The following PSMA1 variants were observed in gnomAD, a reference collection of about 807,000 sequenced individuals.
PSMA1 encodes the protein proteasome subunit alpha type-1.
PSMA1 carries 3 observed loss-of-function variants against 38.4 expected under a neutral mutation model. The observed-to-expected ratio is 0.08, with a 90% confidence interval of 0.04 to 0.20. The LOEUF is 0.20. Among genes scored for constraint, PSMA1 ranks in the 10% least tolerant of loss-of-function variants. The pLI, the probability that PSMA1 is intolerant of heterozygous loss-of-function variation, is 1.00. For missense variants in PSMA1, 227 were observed against 325.3 expected (o/e 0.70, Z 2.32); for synonymous variants, 101 against 107.1 (o/e 0.94, Z 0.35).
chr11:14,566,566 A>G (rs1489353203), intron 2 of PSMA1, among the ~76,000 whole-genome samples: 1 of 152,202 alleles, frequency 6.6e-6, no homozygotes, highest in Admixed American at 6.5e-5. Flanking sequence ...CAGCTGATCA[A>G]TAGGCTGGAC....
chr11:14,584,769 G>C (rs1382670151), intron 2 of PSMA1, among the ~76,000 whole-genome samples: 2 of 152,168 alleles, frequency 1.3e-5, no homozygotes, highest in Admixed American at 6.5e-5. Flanking sequence ...TGACACAGCT[G>C]TTCTGTGACT....
At chr11:14,610,852 C>G in intron 2 of PSMA1, 1 of 1,068,968 alleles carries the variant, frequency 9.4e-7, no homozygotes, top group Non-Finnish European at 1.4e-6. Flanking sequence ...GTTTTCTAGC[C>G]TAGAGATGCG....
chr11:14,513,990 T>C (rs1373485910), intron 5 of PSMA1, 103 bp from the exon 6 acceptor site: 2 of 1,383,760 alleles, frequency 1.4e-6, no homozygotes, highest in Non-Finnish European at 1.9e-6. Context: ...CTTTAATTGT[T>C]GCATAATCCA....
intron 2 of PSMA1, among the ~76,000 whole-genome samples, chr11:14,585,351 T>C (rs1471961751): frequency 6.6e-6 from 1 of 152,178 alleles, no homozygotes; most frequent in African/African-American, 2.4e-5. Context: ...TCTATATATA[T>C]GTTGAAAGTG....
intron 1 of PSMA1, among the ~76,000 whole-genome samples, chr11:14,642,252 T>C (rs911053812): frequency 2.6e-5 from 4 of 152,246 alleles, no homozygotes; most frequent in African/African-American, 9.6e-5. Context: ...AATGTATCCA[T>C]TTTTTACTTT....
Position 14,513,806 on chromosome 11 carries a change from A to G in PSMA1, c.414+11T>C. 6.4e-7 allele frequency: 1 copy of G among 1,574,334 alleles called. No homozygotes were observed. The highest frequency in any genetic ancestry group is 8.6e-7 in the Non-Finnish European group (1 of 1,167,598). Reference sequence around the variant, plus strand: ...AAATCATTAACATATAACAATATTCAATGAACTTACATCATAACCAGCAAT... The same window carrying G: ...AAATCATTAACATATAACAATATTCGATGAACTTACATCATAACCAGCAAT... On this transcript the variant is annotated intron_variant, in intron 6 of 9. Coordinates refer to ENST00000396394, the MANE Select transcript of PSMA1 (RefSeq NM_002786.4).
chr11:14,542,331 C>T (rs957872242), intron 2 of PSMA1, among the ~76,000 whole-genome samples: 1 of 152,138 alleles, frequency 6.6e-6, no homozygotes, highest in African/African-American at 2.4e-5. Context: ...TCTTCTCCCT[C>T]ATTTGGGGGC....
chr11:14,538,877 A>C (rs1230072625), intron 2 of PSMA1, among the ~76,000 whole-genome samples: 1 of 152,256 alleles, frequency 6.6e-6, no homozygotes, highest in African/African-American at 2.4e-5. Flanking sequence ...TAATTTCAAA[A>C]AGTACTTTTT....
chr11:14,555,191 A>C (rs1851929159), intron 2 of PSMA1, among the ~76,000 whole-genome samples: 2 of 152,222 alleles, frequency 1.3e-5, no homozygotes, highest in African/African-American at 4.8e-5. Flanking sequence ...CTCCTGAGTA[A>C]GTGGTTTGTT....
intron 2 of PSMA1, among the ~76,000 whole-genome samples, chr11:14,587,023 C>T (rs1852354338): frequency 6.6e-6 from 1 of 152,130 alleles, no homozygotes; most frequent in Admixed American, 6.6e-5. Context: ...GCCTCTCAAT[C>T]TCTTTCTTTT....
At chr11:14,585,799 C>A (rs1852338952) in intron 2 of PSMA1, among the ~76,000 whole-genome samples, 1 of 152,126 alleles carries the variant, frequency 6.6e-6, no homozygotes, top group Non-Finnish European at 1.5e-5. Flanking sequence ...GGAATCTATC[C>A]AGAGAGCTCT....
At chr11:14,627,045 A>T (rs76225066) in intron 1 of PSMA1, among the ~76,000 whole-genome samples, 1 of 152,142 alleles carries the variant, frequency 6.6e-6, no homozygotes, top group Non-Finnish European at 1.5e-5. Context: ...CTGTGTCTTC[A>T]TAAGTTTTTT....
At chr11:14,620,531 T>G (rs191012561) in intron 1 of PSMA1, among the ~76,000 whole-genome samples, 7 of 152,340 alleles carry the variant, frequency 4.6e-5, no homozygotes, top group African/African-American at 1.7e-4. Flanking sequence ...ATGTTAAAAG[T>G]GCTAATAAGC....
In PSMA1 at chr11:14,528,111, A is replaced by G. The variant is rs369172273; in HGVS notation, c.22-9070T>C. ...CCTCGACTTACTACTAAAAAAAAAA[A>G]GGGGGAGGGAAACTCTGTATATTTT... On this transcript the variant is annotated intron_variant, in intron 2 of 10. Transcript: ENST00000418988. Among the ~76,000 whole-genome samples, 229 of 151,632 alleles carry G rather than the reference A, an allele frequency of 1.5e-3. 1 individual carries two copies. Among genetic ancestry groups the G allele is most frequent in the African/African-American group, 4.4e-3 (182 of 41,384 alleles).
intron 2 of PSMA1, among the ~76,000 whole-genome samples, chr11:14,568,523 A>T (rs893848617): frequency 1.3e-5 from 2 of 152,202 alleles, no homozygotes; most frequent in African/African-American, 4.8e-5. Flanking sequence ...CTGAACTCAG[A>T]TGGAATTTCA....
At chr11:14,521,775 A>AAC (rs1554967417), upstream of PSMA1, among the ~76,000 whole-genome samples, 7 of 151,434 alleles carry the variant, frequency 4.6e-5, no homozygotes, top group African/African-American at 1.7e-4. Context: ...CAAAAAAAAA[A>AAC]AAACAAAAAA....
intron 3 of PSMA1, 67 bp downstream of exon 3, chr11:14,517,813 C>T: frequency 6.7e-7 from 1 of 1,502,560 alleles, no homozygotes; most frequent in Non-Finnish European, 9.0e-7. Flanking sequence ...AAGTTTACAA[C>T]CTTATTTTCT....
chr11:14,572,186 T>C (rs1852151400), intron 2 of PSMA1, among the ~76,000 whole-genome samples: 1 of 152,092 alleles, frequency 6.6e-6, no homozygotes, highest in Non-Finnish European at 1.5e-5. Flanking sequence ...TACAGAACTC[T>C]CCACACCAAA....
At chr11:14,635,535 A>G (rs1853103872) in intron 1 of PSMA1, among the ~76,000 whole-genome samples, 1 of 152,248 alleles carries the variant, frequency 6.6e-6, no homozygotes, top group Non-Finnish European at 1.5e-5. Context: ...TTATCTGACT[A>G]GACATTAATA....
Sources: allele counts gnomAD v4.1 joint callset (sites outside exome capture counted in the v4.1 genomes callset), GRCh38; gene constraint gnomAD v4.1.1; transcripts MANE v1.5; gene names NCBI Gene and HGNC (gene_info 2026-07-23, HGNC 2026-07-21).